Variants in MYO1H observed in about 807,000 individuals in gnomAD.
MYO1H encodes unconventional myosin-Ih.
In MYO1H, 118 loss-of-function variants were observed where a neutral mutation model predicts 149.3. That is an observed-to-expected ratio of 0.79 (90% CI 0.68 to 0.92). The LOEUF (loss-of-function observed/expected upper bound fraction) is 0.92. MYO1H is among the 40% of genes least tolerant of loss of function. The pLI, the probability that MYO1H is intolerant of heterozygous loss-of-function variation, is 0.00. For synonymous variants in MYO1H, 447 were observed against 465.2 expected (o/e 0.96, Z 0.50); for missense variants, 1,212 against 1,280.7 (o/e 0.95, Z 0.82).
intron 30 of MYO1H, 132 bp downstream of exon 30, chr12:109,444,661 GT>G: frequency 1.4e-6 from 1 of 703,042 alleles, no homozygotes; most frequent in South Asian, 1.7e-5. Flanking sequence ...GAGGCTAGGA[GT>G]TCAAGACCAG....
chr12:109,372,294 G>A (rs1047771919), intron 1 of MYO1H, among the ~76,000 whole-genome samples: 3 of 151,808 alleles, frequency 2.0e-5, no homozygotes, highest in African/African-American at 4.8e-5. Flanking sequence ...TTCCAGAATT[G>A]TTTTGGTGTA....
At chr12:109,330,585 CT>C in the MYO1H span, among the ~76,000 whole-genome samples, 2 of 152,186 alleles carry the variant, frequency 1.3e-5, no homozygotes, top group Non-Finnish European at 2.9e-5. Context: ...ACCAAGACCC[CT>C]GTCCCAATTC....
rs535166782 is a variant in MYO1H, at chr12:109,395,570, C to T, written c.291-814C>T. On this transcript the variant is annotated intron_variant, in intron 3 of 31. Coordinates refer to ENST00000310903, the Ensembl canonical transcript of MYO1H. ...TCAACATGGTGAAACCCCGTCTCTA[C>T]TAAAAATAAAAAAATTAGCCAGGCG... Among the ~76,000 whole-genome samples the T allele has an allele frequency of 1.5e-3, 220 of 151,426 alleles. 1 individual carries two copies. Among genetic ancestry groups the T allele is most frequent in the African/African-American group, 5.1e-3 (212 of 41,438 alleles).
chr12:109,325,402 G>A, the MYO1H span, among the ~76,000 whole-genome samples: 1 of 152,186 alleles, frequency 6.6e-6, no homozygotes, highest in South Asian at 2.1e-4. Context: ...AACTGAAACT[G>A]GAACCCTTCC....
chr12:109,426,881 T>A (rs1871369483), intron 18 of MYO1H, among the ~76,000 whole-genome samples: 1 of 152,092 alleles, frequency 6.6e-6, no homozygotes, highest in African/African-American at 2.4e-5. Context: ...GAAGGCACAT[T>A]CTGTCTAAAG....
At chr12:109,405,635 A>G (rs1870344887) in intron 7 of MYO1H, among the ~76,000 whole-genome samples, 1 of 152,178 alleles carries the variant, frequency 6.6e-6, no homozygotes, top group Non-Finnish European at 1.5e-5. Flanking sequence ...AAAGTGTTTT[A>G]TTTTATGAAA....
upstream of MYO1H, among the ~76,000 whole-genome samples, chr12:109,347,108 G>T (rs1038428634): frequency 2.4e-4 from 37 of 152,174 alleles, no homozygotes; most frequent in Admixed American, 8.5e-4. Context: ...CCAACAGGGG[G>T]TGCTGTTTAG....
exon 24 of MYO1H, chr12:109,439,757 G>A: frequency 6.2e-7 from 1 of 1,613,996 alleles, no homozygotes; most frequent in Non-Finnish European, 8.5e-7. Flanking sequence ...TCCTGGACAA[G>A]AGCTGGCTGA....
intron 1 of MYO1H, among the ~76,000 whole-genome samples, chr12:109,358,795 A>ATT (rs11327582): frequency 8.1e-6 from 1 of 123,552 alleles, no homozygotes; most frequent in African/African-American, 3.2e-5. Flanking sequence ...AGGCTTTAAG[A>ATT]TTTTTTTTTT....
At chr12:109,408,497 A>G (rs1263678893) in intron 10 of MYO1H, among the ~76,000 whole-genome samples, 1 of 152,150 alleles carries the variant, frequency 6.6e-6, no homozygotes, top group East Asian at 1.9e-4. Context: ...TAATATATTC[A>G]CCTGACATTT....
the MYO1H span, among the ~76,000 whole-genome samples, chr12:109,335,580 A>AAC: frequency 3.4e-3 from 511 of 150,554 alleles, 2 homozygotes; most frequent in Admixed American, 5.7e-3. Context: ...CAAACAAACA[A>AAC]AAAAAAAACT....
chr12:109,350,654 GACTC>G (rs1406331701), intron 1 of MYO1H, among the ~76,000 whole-genome samples: 1 of 152,210 alleles, frequency 6.6e-6, no homozygotes, highest in East Asian at 1.9e-4. Context: ...ATGAGGAAGA[GACTC>G]ATGGCTTATA....
At chr12:109,324,828 C>A in the MYO1H span, among the ~76,000 whole-genome samples, 1 of 151,990 alleles carries the variant, frequency 6.6e-6, no homozygotes, top group African/African-American at 2.4e-5. Flanking sequence ...AGGTTTTAAG[C>A]CCTGCATGCA....
the MYO1H span, among the ~76,000 whole-genome samples, chr12:109,311,559 T>C: frequency 1.3e-5 from 2 of 152,236 alleles, no homozygotes; most frequent in Admixed American, 1.3e-4. Flanking sequence ...CTTTATTTTT[T>C]AATAAGTGCC....
At chr12:109,371,693 T>C (rs1271925811) in intron 1 of MYO1H, among the ~76,000 whole-genome samples, 2 of 152,216 alleles carry the variant, frequency 1.3e-5, no homozygotes, top group African/African-American at 2.4e-5. Flanking sequence ...ACAAATGAAA[T>C]TATTGTGTCA....
chr12:109,444,593 G>A (rs148654973), intron 30 of MYO1H, 64 bp downstream of exon 30: 106 of 1,299,898 alleles, frequency 8.2e-5, no homozygotes, highest in Middle Eastern at 5.5e-4. Context: ...AAGGCCGAGC[G>A]TGGTGGCTCA....
At chr12:109,379,729 CTT>C (rs35773327) in intron 1 of MYO1H, among the ~76,000 whole-genome samples, 3,877 of 103,244 alleles carry the variant, frequency 0.038, 33 homozygotes, top group Middle Eastern at 0.059. Flanking sequence ...CAATTTTAAC[CTT>C]TTTTTTTTTT....
chr12:109,393,469 T>C (rs1187063277), intron 3 of MYO1H, 23 bp downstream of exon 3: 2 of 1,485,934 alleles, frequency 1.3e-6, no homozygotes, highest in Admixed American at 1.9e-5. Flanking sequence ...CACAGGATCA[T>C]CACTAGGAGG....
chr12:109,323,500 GT>G, the MYO1H span, among the ~76,000 whole-genome samples: 1 of 152,222 alleles, frequency 6.6e-6, no homozygotes, highest in Non-Finnish European at 1.5e-5. Context: ...AGAGAGCCCT[GT>G]TTCTCAAACT....
Sources: allele counts gnomAD v4.1 joint callset (sites outside exome capture counted in the v4.1 genomes callset), GRCh38; gene constraint gnomAD v4.1.1; transcripts MANE v1.5; gene names NCBI Gene and HGNC (gene_info 2026-07-23, HGNC 2026-07-21).